The following PARP1 variants were observed in gnomAD, a reference collection of about 807,000 sequenced individuals.
PARP1 encodes the protein poly [ADP-ribose] polymerase 1.
In PARP1, 44 loss-of-function variants were observed where a neutral mutation model predicts 118.7. The ratio of observed to expected loss-of-function variants is 0.37; its 90% CI spans 0.29 to 0.48. PARP1 has a LOEUF of 0.48. Ranked by LOEUF, PARP1 falls within the 20% of genes least tolerant of loss-of-function variation. The probability of loss-of-function intolerance (pLI) is 0.99; values close to 1 mark genes in which losing one functional copy is unlikely to be tolerated. For synonymous variants in PARP1, 492 were observed against 483.2 expected (o/e 1.02, Z -0.24); for missense variants, 1,100 against 1,272.4 (o/e 0.86, Z 2.06).
rs1664801197 is a variant in PARP1, at chr1:226,390,429, G to C, written c.598C>G (p.Pro200Ala). The C allele has an allele frequency of 6.2e-7, 1 of 1,613,860 alleles. No individual in the cohort carries two copies. The highest frequency in any genetic ancestry group is 8.5e-7 in the Non-Finnish European group (1 of 1,180,026). The change falls in exon 4 of 23, where the codon CCA (proline) becomes GCA (alanine). Residue 200 changes from proline (P) to alanine (A), a missense_variant. Physicochemically the swap from Pro to Ala is conservative, Grantham distance 27 (BLOSUM62 -1). Around this residue, in one of 2 missense-constraint regions of PARP1, gnomAD observed 948 missense variants for 1,031.8 expected, o/e 0.92. Transcript: ENST00000366794. ...EDKEALKKQL[P>A]GVKSEGKRKG... ...ACCCACCCTTCACTCTTGACTCCTG[G>C]GAGCTGCTTCTTCAGGGCTTCTTTA...
intron 4 of PARP1, 143 bp from the exon 5 acceptor site, chr1:226,388,898 C>A: frequency 1.4e-6 from 1 of 730,970 alleles, no homozygotes; most frequent in East Asian, 2.5e-5. Context: ...AACCCCTGCC[C>A]CACTCAGTGC....
intron 14 of PARP1, among the ~76,000 whole-genome samples, chr1:226,372,878 C>T (rs894411926): frequency 3.3e-5 from 5 of 152,300 alleles, no homozygotes; most frequent in Admixed American, 2.0e-4. Context: ...CAACCTTTCC[C>T]TCCACCTCCG....
At chr1:226,403,303 T>A (rs879933564) in intron 1 of PARP1, among the ~76,000 whole-genome samples, 1 of 152,222 alleles carries the variant, frequency 6.6e-6, no homozygotes, top group Non-Finnish European at 1.5e-5. Flanking sequence ...CTCGGCCTCC[T>A]GAGTAGCTGG....
chr1:226,366,796 C>T (rs2102727932), intron 17 of PARP1: 1 of 159,572 alleles, frequency 6.3e-6, no homozygotes, highest in Non-Finnish European at 1.4e-5. Flanking sequence ...GAAGCCAAGG[C>T]TCTTTCTTTA....
chr1:226,371,236 CA>C (rs1322749381), intron 14 of PARP1: 1 of 154,616 alleles, frequency 6.5e-6, no homozygotes, highest in African/African-American at 2.4e-5. Flanking sequence ...TGCGTGGAGA[CA>C]CCTGTGTACC....
At chr1:226,373,524 C>T (rs907192) in intron 14 of PARP1, among the ~76,000 whole-genome samples, 122,189 of 152,068 alleles carry the variant, frequency 0.8, 49,558 homozygotes, top group Middle Eastern at 0.87. Flanking sequence ...ACTCATCTCC[C>T]GGGCGGAGAG....
At chr1:226,398,757 G>A (rs1412726169) in intron 2 of PARP1, among the ~76,000 whole-genome samples, 1 of 152,170 alleles carries the variant, frequency 6.6e-6, no homozygotes, top group African/African-American at 2.4e-5. Flanking sequence ...CTCATCTATT[G>A]CTGGTGGGAA....
At chr1:226,371,791 G>A (rs896757490) in intron 14 of PARP1, among the ~76,000 whole-genome samples, 16 of 152,168 alleles carry the variant, frequency 1.1e-4, no homozygotes, top group Non-Finnish European at 2.4e-4. Context: ...TTTCCACGCT[G>A]TATAATTCTG....
intron 14 of PARP1, chr1:226,371,086 A>G (rs1364454886): frequency 6.4e-6 from 1 of 156,200 alleles, no homozygotes; most frequent in Non-Finnish European, 1.4e-5. Flanking sequence ...TATCTTGGGA[A>G]CTGCCTGCCA....
intron 19 of PARP1, among the ~76,000 whole-genome samples, chr1:226,364,527 TCTC>T (rs1486964512): frequency 1.3e-5 from 2 of 152,230 alleles, no homozygotes; most frequent in African/African-American, 2.4e-5. Flanking sequence ...TTTAAACTTC[TCTC>T]CTCCTCATTC....
At chr1:226,394,203 C>T (rs1462191254) in intron 2 of PARP1, among the ~76,000 whole-genome samples, 4 of 152,106 alleles carry the variant, frequency 2.6e-5, no homozygotes, top group African/African-American at 7.2e-5. Context: ...ACAAACAAAA[C>T]AACCAAACCC....
intron 2 of PARP1, chr1:226,393,079 T>G: frequency 8.9e-7 from 1 of 1,124,616 alleles, no homozygotes; most frequent in Non-Finnish European, 1.2e-6. Flanking sequence ...TATTTGATAT[T>G]CCTAAGAGAT....
chr1:226,365,041 C>G lies in PARP1; in HGVS notation c.2619G>C (p.Leu873=), dbSNP rs770091324. Residue 873 remains leucine (L), a synonymous_variant, in exon 19 of 23, where the codon CTG becomes CTC. Transcript: ENST00000366794. ...GCGGGGCTATCCGAAGACCCTGGGA[C>G]AGGATCCCAGCAAAGTTGGTGGTCC... ...GSRTTNFAGI[L]SQGLRIAPPE... The G allele has an allele frequency of 6.2e-7, 1 of 1,614,200 alleles. No individual in the cohort carries two copies. Among genetic ancestry groups the G allele is most frequent in the South Asian group, 1.1e-5 (1 of 91,084 alleles).
intron 14 of PARP1, among the ~76,000 whole-genome samples, chr1:226,373,271 AGGC>A (rs1664425765): frequency 6.6e-6 from 1 of 152,206 alleles, no homozygotes. Context: ...GGAATGCTTA[AGGC>A]TGATCTGAGA....
intron 17 of PARP1, chr1:226,366,953 C>A: frequency 5.4e-6 from 1 of 184,822 alleles, no homozygotes; most frequent in Non-Finnish European, 1.1e-5. Flanking sequence ...AGGCAAAAAT[C>A]CCTCCTCTAG....
chr1:226,382,844 C>T (rs529937952), intron 8 of PARP1, among the ~76,000 whole-genome samples, 192 bp downstream of exon 8: 5 of 152,368 alleles, frequency 3.3e-5, no homozygotes, highest in South Asian at 2.1e-4. Context: ...CACTCTCCCA[C>T]CTTGCTGTGG....
chr1:226,407,839 C>T lies in PARP1; in HGVS notation c.91G>A (p.Asp31Asn), dbSNP rs756350417. The change falls in exon 1 of 23, where the codon GAC (aspartate) becomes AAC (asparagine). Residue 31 changes from aspartate to asparagine, a missense_variant. Physicochemically the swap from Asp to Asn is conservative, Grantham distance 23. Coordinates refer to ENST00000366794, the MANE Select transcript of PARP1 (RefSeq NM_001618.4). ...CKKCSESIPK[D>N]SLRMAIMVQS... ...ACCATGATGGCCATCCGGAGCGAGT[C>T]CTTGGGGATGCTCTCGCTGCATTTC... 1.3e-6 allele frequency: 2 copies of T among 1,595,286 alleles called. No individual in the cohort carries two copies. The highest frequency in any genetic ancestry group is 2.3e-5 in the East Asian group (1 of 43,608).
chr1:226,407,846 G>T lies in PARP1; in HGVS notation c.84C>A (p.Ile28=). The change falls in exon 1 of 23, where the codon ATC becomes ATA. Residue 28 remains isoleucine (I), a synonymous_variant. Coordinates refer to ENST00000366794, the MANE Select transcript of PARP1 (RefSeq NM_001618.4). ...TGGCCATCCGGAGCGAGTCCTTGGG[G>T]ATGCTCTCGCTGCATTTCTTGCAAG... is the stretch of plus-strand genomic sequence containing the variant. ...RASCKKCSES[I]PKDSLRMAIM... is the part of the protein sequence containing the mutation. The T allele has an allele frequency of 6.2e-7, 1 of 1,600,252 alleles. No individual in the cohort carries two copies. The highest frequency in any genetic ancestry group is 8.5e-7 in the Non-Finnish European group (1 of 1,173,768).
In PARP1 at chr1:226,388,768, C is replaced by T. The variant is rs192270493; in HGVS notation, c.618-13G>A. On this transcript the variant is annotated splice_polypyrimidine_tract_variant and intron_variant, in intron 4 of 22. Coordinates refer to ENST00000366794, the MANE Select transcript of PARP1 (RefSeq NM_001618.4). ...GCCTTTTCTCTTTCTGAAGGAGACA[C>T]AGGATATGAGAGACAGCCAGAGCCA... 49 of 1,600,142 alleles carry T rather than the reference C, an allele frequency of 3.1e-5. No individual in the cohort carries two copies. In the East Asian group the frequency reaches 9.1e-4, roughly 30 times the overall value.
Sources: allele counts gnomAD v4.1 joint callset (sites outside exome capture counted in the v4.1 genomes callset), GRCh38; gene constraint gnomAD v4.1.1; regional missense constraint gnomAD v4.1.1; transcripts MANE v1.5; gene names NCBI Gene and HGNC (gene_info 2026-07-23, HGNC 2026-07-21).